The following FAM13C variants were observed in gnomAD, a reference collection of about 807,000 sequenced individuals.
FAM13C encodes protein FAM13C.
In FAM13C, 37 loss-of-function variants were observed where a neutral mutation model predicts 73.2. The ratio of observed to expected loss-of-function variants is 0.51; its 90% CI spans 0.39 to 0.67. The LOEUF (loss-of-function observed/expected upper bound fraction) is 0.67. Ranked by LOEUF, FAM13C falls within the 30% of genes least tolerant of loss-of-function variation. FAM13C has a pLI of 0.00. For missense variants in FAM13C, 589 were observed against 715.6 expected (o/e 0.82, Z 2.02); for synonymous variants, 246 against 260.9 (o/e 0.94, Z 0.55).
chr10:59,301,331 C>T (rs552537209), intron 5 of FAM13C: 14 of 152,350 alleles, frequency 9.2e-5, no homozygotes, highest in African/African-American at 9.6e-5. Flanking sequence ...GAAATGCACA[C>T]GTTTAAAATA....
intron 4 of FAM13C, among the ~76,000 whole-genome samples, chr10:59,319,916 G>A (rs775106935): frequency 6.6e-6 from 1 of 152,076 alleles, no homozygotes; most frequent in Non-Finnish European, 1.5e-5. Context: ...TGTCATCTGG[G>A]GAAAAGATGG....
chr10:59,299,803 T>C (rs1428720594), intron 5 of FAM13C, among the ~76,000 whole-genome samples: 1 of 152,136 alleles, frequency 6.6e-6, no homozygotes, highest in Non-Finnish European at 1.5e-5. Context: ...CAAAATCTGA[T>C]GTCTTACCGA....
Position 59,254,446 on chromosome 10 carries a change from G to A in FAM13C, c.1237-3C>T. 7 of 1,455,546 alleles carry A rather than the reference G, an allele frequency of 4.8e-6. No homozygotes were observed. Among genetic ancestry groups the A allele is most frequent in the African/African-American group, 4.3e-5 (3 of 69,250 alleles). The allele number at this position is 1,455,546 out of a possible 1,614,324, so 90.2% of individuals were successfully genotyped here. A position where few individuals can be genotyped will look rare whatever the true frequency, so the allele number is the denominator to read the frequency against. On this transcript the variant is annotated splice_region_variant and splice_polypyrimidine_tract_variant and intron_variant, in intron 10 of 13. Coordinates refer to ENST00000618804, the MANE Select transcript of FAM13C (RefSeq NM_198215.4). The stretch of plus-strand genomic sequence containing the variant: ...AGGTTCTTGTCTTGCTTAGTTACCT[G>A]AAAAACATGAAATTAATTATTATTC...
chr10:59,254,396 G>A lies in FAM13C; in HGVS notation c.1284C>T (p.Tyr428=). The change falls in exon 11 of 14, where the codon TAC becomes TAT. Residue 428 remains tyrosine, a synonymous_variant. Coordinates refer to ENST00000618804, the MANE Select transcript of FAM13C (RefSeq NM_198215.4). ...TTGACAAGATTTGCTTGATAATTCTGTATCGGTCATAAAGCGGCTTTATGA... is the reference window on the plus strand; with the variant it reads ...TTGACAAGATTTGCTTGATAATTCTATATCGGTCATAAAGCGGCTTTATGA... ...KNLIKPLYDR[Y]RIIKQILSTP... is the part of the protein sequence containing the mutation. The A allele has an allele frequency of 6.4e-7, 1 of 1,562,240 alleles. No homozygotes were observed. The highest frequency in any genetic ancestry group is 8.7e-7 in the Non-Finnish European group (1 of 1,152,876).
At chr10:59,326,721 A>G (rs925824158) in intron 3 of FAM13C, among the ~76,000 whole-genome samples, 3 of 152,178 alleles carry the variant, frequency 2.0e-5, no homozygotes, top group Non-Finnish European at 4.4e-5. Flanking sequence ...CAAAGCTCAC[A>G]TGGGAATCAA....
intron 10 of FAM13C, among the ~76,000 whole-genome samples, chr10:59,257,478 A>C (rs1842055529): frequency 6.6e-6 from 1 of 152,326 alleles, no homozygotes; most frequent in Non-Finnish European, 1.5e-5. Flanking sequence ...GAAATTTATA[A>C]ATGAAATCAT....
chr10:59,341,296 C>T (rs968461626), intron 3 of FAM13C, among the ~76,000 whole-genome samples: 7 of 152,138 alleles, frequency 4.6e-5, no homozygotes, highest in African/African-American at 1.7e-4. Context: ...TTAGAAATTT[C>T]CCTGGCACAC....
chr10:59,285,292 G>C (rs1019940365), intron 5 of FAM13C, among the ~76,000 whole-genome samples: 5 of 152,126 alleles, frequency 3.3e-5, no homozygotes, highest in Non-Finnish European at 5.9e-5. Context: ...CAGCAGCTGA[G>C]TGTGGAAGCA....
At chr10:59,263,937 G>A (rs1842767300) in intron 9 of FAM13C, 148 bp downstream of exon 9, 3 of 720,086 alleles carry the variant, frequency 4.2e-6, no homozygotes, top group Non-Finnish European at 7.4e-6. Flanking sequence ...GATACAGGGT[G>A]CTTTATTTCA....
chr10:59,292,077 T>C (rs4948229), intron 5 of FAM13C, among the ~76,000 whole-genome samples: 27,576 of 152,186 alleles, frequency 0.18, 3,265 homozygotes, highest in Non-Finnish European at 0.27. Flanking sequence ...TGTGAGCCAC[T>C]GCGCCTGACC....
At chr10:59,326,333 T>C (rs1279913786) in intron 3 of FAM13C, among the ~76,000 whole-genome samples, 1 of 152,112 alleles carries the variant, frequency 6.6e-6, no homozygotes, top group Non-Finnish European at 1.5e-5. Flanking sequence ...CTATGTTTCT[T>C]TTCCCCACCA....
Position 59,360,359 on chromosome 10 carries a change from G to A in FAM13C, c.62+2040C>T, listed in dbSNP as rs541355180. Among the ~76,000 whole-genome samples, 10 of 152,294 alleles carry A rather than the reference G, an allele frequency of 6.6e-5. No homozygotes were observed. The South Asian group carries it at 1.7e-3, about 25-fold the overall frequency. On this transcript the variant is annotated intron_variant, in intron 1 of 13. Transcript: ENST00000618804. ...CATCGAAGAAAATAAGTGGGTGTGA[G>A]TAGAAGGATGTAGGAATGGGGTGGG...
chr10:59,336,188 C>G (rs559467355), intron 3 of FAM13C, among the ~76,000 whole-genome samples: 67 of 150,344 alleles, frequency 4.5e-4, no homozygotes, highest in Non-Finnish European at 7.8e-4. Context: ...AACATGGACT[C>G]TTCTGCCACC....
At chr10:59,253,224 ACACT>A (rs1346082747) in intron 11 of FAM13C, among the ~76,000 whole-genome samples, 12 of 152,336 alleles carry the variant, frequency 7.9e-5, no homozygotes, top group South Asian at 2.1e-4. Context: ...CTGGGCTAAA[ACACT>A]CACCAAGTTC....
rs1016402071 is a variant in FAM13C, at chr10:59,254,512, A to G, written c.1237-69T>C. On this transcript the variant is annotated intron_variant, in intron 10 of 13. Transcript: ENST00000618804. ...ATGAAAACGTCAACATTTTTAGCAG[A>G]CAAAAAGCCTCAAAGTAAAGGATTA... 4.8e-5 allele frequency: 40 copies of G among 835,036 alleles called. No homozygotes were observed. In the Admixed American group the frequency reaches 1.2e-3, roughly 24 times the overall value. 51.7% of individuals were successfully genotyped at this position (835,036 alleles called of 1,614,324 possible).
rs1841547185 is a variant in FAM13C at position 59,252,988 on chromosome 10, T to C, written c.1343A>G (p.Glu448Gly). Residue 448 changes from glutamate (E) to glycine (G), a missense_variant, in exon 12 of 14, where the codon GAG becomes GGG. Glu to Gly is a moderately conservative substitution (Grantham distance 98). Transcript: ENST00000618804. Reference sequence around the variant, plus strand: ...CTGTGGACGGTCTTCATCAGAGTCCTCTTCCTCCTGCTTATCACAGGCAGA... The same window carrying C: ...CTGTGGACGGTCTTCATCAGAGTCCCCTTCCTCCTGCTTATCACAGGCAGA... ...PSLIPTIQEE[E>G]DSDEDRPQGS... The C allele has an allele frequency of 1.2e-6, 2 of 1,613,518 alleles. No individual in the cohort carries two copies. The highest frequency in any genetic ancestry group is 8.5e-7 in the Non-Finnish European group (1 of 1,179,918).
intron 5 of FAM13C, among the ~76,000 whole-genome samples, chr10:59,299,369 TC>T (rs1847289313): frequency 6.6e-6 from 1 of 152,150 alleles, no homozygotes; most frequent in Non-Finnish European, 1.5e-5. Context: ...AAGATTATCA[TC>T]CCCTTTTGAC....
intron 4 of FAM13C, among the ~76,000 whole-genome samples, chr10:59,317,807 A>G (rs1012598079): frequency 3.9e-5 from 6 of 152,008 alleles, no homozygotes; most frequent in Non-Finnish European, 7.4e-5. Flanking sequence ...GGTTAGTTAC[A>G]TATGTATACA....
At chr10:59,309,643 C>A (rs563960868) in intron 4 of FAM13C, among the ~76,000 whole-genome samples, 1 of 152,300 alleles carries the variant, frequency 6.6e-6, no homozygotes, top group Admixed American at 6.5e-5. Context: ...TCAGGTCTCC[C>A]TTTCTTATAT....
Sources: gnomAD v4.1 joint callset for allele counts (sites outside exome capture counted in the v4.1 genomes callset) on GRCh38, gnomAD v4.1.1 for gene constraint, MANE v1.5 for transcripts, NCBI Gene and HGNC (gene_info 2026-07-23, HGNC 2026-07-21) for gene names.